Variants in GATAD2B observed in about 807,000 individuals in gnomAD.
GATAD2B encodes the protein GATA zinc finger domain containing 2B.
In GATAD2B, 8 loss-of-function variants were observed where a neutral mutation model predicts 64.3. The observed-to-expected ratio is 0.12, with a 90% confidence interval of 0.07 to 0.22. GATAD2B has a LOEUF of 0.22. Among genes scored for constraint, GATAD2B ranks in the 10% least tolerant of loss-of-function variants. The probability of loss-of-function intolerance (pLI) is 1.00; values close to 1 mark genes in which losing one functional copy is unlikely to be tolerated. For missense variants in GATAD2B, 453 were observed against 752.0 expected (o/e 0.60, Z 4.65); for synonymous variants, 281 against 271.3 (o/e 1.04, Z -0.35).
At chr1:153,872,529 G>A (rs577148671) in intron 1 of GATAD2B, among the ~76,000 whole-genome samples, 3 of 149,548 alleles carry the variant, frequency 2.0e-5, no homozygotes, top group East Asian at 1.9e-4. Flanking sequence ...CAGCTCTTTC[G>A]AAGGTTGACA....
intron 5 of GATAD2B, 89 bp from the exon 6 acceptor site, chr1:153,817,631 T>C: frequency 1.2e-6 from 1 of 838,372 alleles, no homozygotes; most frequent in South Asian, 2.2e-5. Flanking sequence ...ACACTGCCTA[T>C]AATACATAGC....
chr1:153,907,493 G>C (rs567566536), intron 1 of GATAD2B, among the ~76,000 whole-genome samples: 74 of 152,274 alleles, frequency 4.9e-4, no homozygotes, highest in Middle Eastern at 6.8e-3. Flanking sequence ...CAGGAACTGC[G>C]GAGAGGGGAG....
intron 1 of GATAD2B, among the ~76,000 whole-genome samples, chr1:153,905,864 C>A (rs1429241838): frequency 2.0e-5 from 3 of 151,328 alleles, no homozygotes; most frequent in Non-Finnish European, 4.4e-5. Context: ...GTCAAGAGTT[C>A]GAGACCAGCC....
Position 153,806,760 on chromosome 1 carries a change from C to T in GATAD2B, c.*3417G>A, listed in dbSNP as rs1127092. The T allele has an allele frequency of 0.14, 18,378 of 130,780 alleles. 1,615 individuals are homozygous for T. Among genetic ancestry groups the T allele is most frequent in the East Asian group, 0.5 (2,483 of 4,918 alleles). The allele number at this position is 130,780 out of a possible 1,614,324, so 8.1% of individuals were successfully genotyped here. On this transcript the variant is annotated 3_prime_UTR_variant, in exon 11 of 11. Coordinates refer to ENST00000368655, the MANE Select transcript of GATAD2B (RefSeq NM_020699.4). ...TGATGGAAAGGATGGGAGCCTAGGA[C>T]GGGGGTGGGGGTAGGGGGTGTGGAG...
intron 8 of GATAD2B, among the ~76,000 whole-genome samples, chr1:153,812,730 T>C (rs997628650): frequency 3.9e-5 from 6 of 152,212 alleles, no homozygotes; most frequent in African/African-American, 1.4e-4. Flanking sequence ...GGGACTCTGA[T>C]GGGTGGAGTG....
At chr1:153,825,254 G>A (rs977709477) in intron 2 of GATAD2B, among the ~76,000 whole-genome samples, 1 of 152,120 alleles carries the variant, frequency 6.6e-6, no homozygotes, top group African/African-American at 2.4e-5. Context: ...GGTTGCTCAG[G>A]TTCATGATCT....
At chr1:153,852,206 C>T in intron 1 of GATAD2B, 1 of 1,041,534 alleles carries the variant, frequency 9.6e-7, no homozygotes. Context: ...TGAAAGGGAC[C>T]TACCAGCCAG....
In GATAD2B at chr1:153,863,526, C is replaced by A. The variant is rs924967028; in HGVS notation, c.-1-35178G>T. On this transcript the variant is annotated intron_variant, in intron 1 of 10. Coordinates refer to ENST00000368655, the MANE Select transcript of GATAD2B (RefSeq NM_020699.4). ...GAAAGAAATAAGAAAAAAAAAAAAACAACAGGAAAGTAAGCAATCTAAGTA... is the reference window on the plus strand; with the variant it reads ...GAAAGAAATAAGAAAAAAAAAAAAAAAACAGGAAAGTAAGCAATCTAAGTA... 1.9e-3 allele frequency among the ~76,000 whole-genome samples: 276 copies of A among 147,810 alleles called. 1 individual carries two copies. The highest frequency in any genetic ancestry group is 6.2e-3 in the African/African-American group (253 of 40,548).
chr1:153,827,894 T>A, intron 2 of GATAD2B, 119 bp downstream of exon 2: 3 of 744,848 alleles, frequency 4.0e-6, no homozygotes, highest in Non-Finnish European at 6.7e-6. Context: ...AACTCGATGA[T>A]ATATCTTCTT....
At position 153,816,192 on chromosome 1, in the gene GATAD2B, G is replaced by T; in HGVS notation, c.1216+81C>A. 2.3e-6 allele frequency: 2 copies of T among 878,412 alleles called. No individual in the cohort carries two copies. The highest frequency in any genetic ancestry group is 3.8e-6 in the Non-Finnish European group (2 of 531,858). 54.4% of individuals were successfully genotyped at this position (878,412 alleles called of 1,614,324 possible). ...AGGAGAAGTTATTTAATATTGTACA[G>T]TACCCTCTGATACTCTGCCTATGTC... is the stretch of plus-strand genomic sequence containing the variant. On this transcript the variant is annotated intron_variant, in intron 7 of 10. Transcript: ENST00000368655. The surrounding 1 kb of genome is among the most constrained non-coding windows in gnomAD (Gnocchi z 4.9).
chr1:153,890,935 G>T (rs1333980121), intron 1 of GATAD2B: 4 of 152,164 alleles, frequency 2.6e-5, no homozygotes, highest in Non-Finnish European at 5.9e-5. Flanking sequence ...TATAATCCCA[G>T]CGCTTTGGGA....
chr1:153,872,638 CTTTAAT>C (rs1477316723), intron 1 of GATAD2B, among the ~76,000 whole-genome samples: 1 of 151,558 alleles, frequency 6.6e-6, no homozygotes, highest in Non-Finnish European at 1.5e-5. Flanking sequence ...CTCATTTTTG[CTTTAAT>C]TTTATCACTG....
intron 5 of GATAD2B, 63 bp downstream of exon 5, chr1:153,817,977 C>G: frequency 7.0e-7 from 1 of 1,432,824 alleles, no homozygotes; most frequent in Non-Finnish European, 9.4e-7. Context: ...CACAAAAGCC[C>G]AAAAACAGAG....
At chr1:153,916,381 G>A (rs1678267913) in intron 1 of GATAD2B, among the ~76,000 whole-genome samples, 1 of 152,104 alleles carries the variant, frequency 6.6e-6, no homozygotes, top group South Asian at 2.1e-4. Context: ...CAGCAATGGA[G>A]ACACAGAAGA....
intron 1 of GATAD2B, among the ~76,000 whole-genome samples, chr1:153,888,783 G>C (rs562403858): frequency 6.6e-6 from 1 of 152,040 alleles, no homozygotes; most frequent in Admixed American, 6.6e-5. Context: ...CCTCTCTAGC[G>C]TTCCAAGAGT....
chr1:153,819,783 A>G, intron 2 of GATAD2B, 48 bp from the exon 3 acceptor site: 2 of 1,550,556 alleles, frequency 1.3e-6, no homozygotes, highest in South Asian at 1.2e-5. Context: ...AAAGTTAAGA[A>G]AACTTCTATG....
intron 1 of GATAD2B, among the ~76,000 whole-genome samples, chr1:153,845,808 G>A (rs971211545): frequency 6.6e-6 from 1 of 151,936 alleles, no homozygotes; most frequent in Admixed American, 6.6e-5. Context: ...GGTGGCATGC[G>A]TCCACAGTTC....
At chr1:153,856,393 A>G (rs1676082002) in intron 1 of GATAD2B, among the ~76,000 whole-genome samples, 1 of 152,204 alleles carries the variant, frequency 6.6e-6, no homozygotes, top group African/African-American at 2.4e-5. Flanking sequence ...TGGTTTAGAA[A>G]AAATGTTTAT....
At chr1:153,909,490 A>G (rs1025536455) in intron 1 of GATAD2B, among the ~76,000 whole-genome samples, 5 of 151,504 alleles carry the variant, frequency 3.3e-5, no homozygotes, top group South Asian at 2.1e-4. Context: ...GTGAGCCACC[A>G]TGCCCGGCCA....
Sources: gnomAD v4.1 joint callset for allele counts (sites outside exome capture counted in the v4.1 genomes callset) on GRCh38, gnomAD v4.1.1 for gene constraint, Gnocchi (gnomAD v3.1) non-coding constraint, MANE v1.5 for transcripts, NCBI Gene and HGNC (gene_info 2026-07-23, HGNC 2026-07-21) for gene names.